ZNF536: variants seen among roughly 807,000 people sequenced by gnomAD.
ZNF536 encodes zinc finger protein 536.
In ZNF536, 13 loss-of-function variants were observed where a neutral mutation model predicts 84.5. That is an observed-to-expected ratio of 0.15 (90% confidence interval 0.10 to 0.24). The LOEUF (loss-of-function observed/expected upper bound fraction) is 0.24, where lower values mean the gene tolerates loss of function less well. Among genes scored for constraint, ZNF536 ranks in the 10% least tolerant of loss-of-function variants. ZNF536 has a pLI of 1.00. For missense variants in ZNF536, 1,536 were observed against 1,747.5 expected, an observed-to-expected ratio of 0.88 and a Z score of 2.16; for synonymous variants, 811 against 742.5, an observed-to-expected ratio of 1.09 and a Z score of -1.50.
intron 1 of ZNF536, among the ~76,000 whole-genome samples, chr19:30,605,002 C>T (rs1005543479): frequency 6.6e-6 from 1 of 152,084 alleles, no homozygotes; most frequent in Admixed American, 6.5e-5. Flanking sequence ...CTGCTGGAAC[C>T]TTGTATTCAT....
At chr19:30,610,514 T>C (rs2048068275) in intron 1 of ZNF536, among the ~76,000 whole-genome samples, 2 of 152,210 alleles carry the variant, frequency 1.3e-5, no homozygotes, top group South Asian at 4.1e-4. Flanking sequence ...CCCATTGGGC[T>C]GATCCTGGGG....
chr19:30,276,722 C>A lies in ZNF536; in HGVS notation c.-189-7350C>A, dbSNP rs1265490475. ...AAAACAATCAGATACTTTTATCTCA[C>A]TGAAAAAATACATTCCTTGGATGTG... is the stretch of plus-strand genomic sequence containing the variant. On this transcript the variant is annotated intron_variant, in intron 1 of 5. Transcript: ENST00000585628. 5.9e-5 allele frequency among the ~76,000 whole-genome samples: 9 copies of A among 152,268 alleles called. No homozygotes were observed. In the East Asian group the frequency reaches 1.7e-3, roughly 29 times the overall value.
At chr19:30,406,771 G>T (rs1397722456) in intron 1 of ZNF536, among the ~76,000 whole-genome samples, 6 of 152,160 alleles carry the variant, frequency 3.9e-5, no homozygotes, top group Non-Finnish European at 7.4e-5. Context: ...TCTGTAGCGG[G>T]TGTGCTCCTT....
chr19:30,581,215 C>T (rs963932564), intron 1 of ZNF536, among the ~76,000 whole-genome samples: 11 of 152,212 alleles, frequency 7.2e-5, no homozygotes, highest in Non-Finnish European at 1.3e-4. Context: ...CAGTGGCTCC[C>T]GCCTGTAATC....
chr19:30,668,452 G>C (rs192995132), intron 1 of ZNF536: 2 of 152,274 alleles, frequency 1.3e-5, no homozygotes, highest in Admixed American at 1.3e-4. Context: ...GGCGCCTTCT[G>C]GGAGCTTAAA....
Position 30,682,138 on chromosome 19 carries a change from T to A in ZNF536, c.170-28619T>A, listed in dbSNP as rs553329945. On this transcript the variant is annotated intron_variant, in intron 1 of 1. Coordinates refer to the ZNF536 transcript ENST00000592773. Reference sequence around the variant, plus strand: ...CACCAGGGGCCAAAAAGCTGCATCTTCAAATCTCCAAACCAAGGAGCTCAC... The same window carrying A: ...CACCAGGGGCCAAAAAGCTGCATCTACAAATCTCCAAACCAAGGAGCTCAC... Among the ~76,000 whole-genome samples the A allele has an allele frequency of 2.0e-5, 3 of 152,152 alleles. No individual in the cohort carries two copies. In the East Asian group the frequency reaches 5.8e-4, roughly 30 times the overall value.
At chr19:30,610,039 C>T (rs1470874133) in intron 1 of ZNF536, among the ~76,000 whole-genome samples, 2 of 152,200 alleles carry the variant, frequency 1.3e-5, no homozygotes, top group Admixed American at 6.5e-5. Flanking sequence ...TTCAGCCATC[C>T]ATCCACTCAT....
chr19:30,648,075 G>A (rs2049544595), intron 1 of ZNF536, among the ~76,000 whole-genome samples: 1 of 152,126 alleles, frequency 6.6e-6, no homozygotes, highest in South Asian at 2.1e-4. Flanking sequence ...TCCCCTTCAG[G>A]CTGTACTGTG....
intron 1 of ZNF536, among the ~76,000 whole-genome samples, chr19:30,592,903 A>G (rs150630505): frequency 2.8e-4 from 43 of 152,362 alleles, no homozygotes; most frequent in African/African-American, 1.0e-3. Flanking sequence ...GTGTGAAATA[A>G]ACAGGTATAA....
intron 1 of ZNF536, among the ~76,000 whole-genome samples, chr19:30,633,939 C>T: frequency 6.6e-6 from 1 of 152,072 alleles, no homozygotes; most frequent in East Asian, 1.9e-4. Context: ...TTCTTTTCTT[C>T]TTTTAATCAG....
chr19:30,516,178 T>C (rs2044065664), intron 2 of ZNF536, among the ~76,000 whole-genome samples: 1 of 152,100 alleles, frequency 6.6e-6, no homozygotes, highest in African/African-American at 2.4e-5. Flanking sequence ...TGCTGTGGTC[T>C]AATTGCTCTA....
intron 2 of ZNF536, among the ~76,000 whole-genome samples, chr19:30,343,129 A>G (rs928912470): frequency 6.6e-6 from 1 of 152,174 alleles, no homozygotes; most frequent in Non-Finnish European, 1.5e-5. Flanking sequence ...CTATGGTAGC[A>G]TCCTCCAAGC....
intron 3 of ZNF536, among the ~76,000 whole-genome samples, chr19:30,365,953 A>G (rs1168759344): frequency 1.3e-5 from 2 of 152,144 alleles, no homozygotes; most frequent in Non-Finnish European, 2.9e-5. Context: ...GAGTTTCTCT[A>G]TGTATCATCT....
At chr19:30,537,692 G>A (rs1020939713) in intron 3 of ZNF536, among the ~76,000 whole-genome samples, 5 of 152,168 alleles carry the variant, frequency 3.3e-5, no homozygotes, top group African/African-American at 9.7e-5. Flanking sequence ...ATTGCTCTTC[G>A]CAGTTTTCAA....
chr19:30,598,985 CT>C (rs1223995313), intron 1 of ZNF536, among the ~76,000 whole-genome samples: 6 of 106,434 alleles, frequency 5.6e-5, no homozygotes, highest in Non-Finnish European at 8.0e-5. Context: ...CCCTCCCTCC[CT>C]TCCTTCCTCC....
intron 1 of ZNF536, among the ~76,000 whole-genome samples, chr19:30,372,834 C>T (rs926660297): frequency 6.6e-6 from 1 of 150,782 alleles, no homozygotes; most frequent in Admixed American, 6.6e-5. Flanking sequence ...CACCCGCCCC[C>T]CCCATCTAAT....
chr19:30,520,200 A>G (rs2044261754), intron 2 of ZNF536, among the ~76,000 whole-genome samples: 1 of 152,202 alleles, frequency 6.6e-6, no homozygotes, highest in Admixed American at 6.5e-5. Context: ...GGATGAGAGG[A>G]AACATTTCTT....
In ZNF536 at chr19:30,269,875, A is replaced by G. The variant is rs2025728767; in HGVS notation, c.-189-14197A>G. On this transcript the variant is annotated intron_variant, in intron 1 of 5. Transcript: ENST00000585628. Reference sequence around the variant, plus strand: ...TTTCACCCAAACAGGAGCCAAAGGCAGTCCCGCTTCTAGCTGGTTCCAGTT... The same window carrying G: ...TTTCACCCAAACAGGAGCCAAAGGCGGTCCCGCTTCTAGCTGGTTCCAGTT... Among the ~76,000 whole-genome samples the G allele has an allele frequency of 1.3e-5, 2 of 152,214 alleles. 1 individual carries two copies. Among genetic ancestry groups the G allele is most frequent in the Admixed American group, 1.3e-4 (2 of 15,288 alleles).
At chr19:30,479,651 C>T (rs1417834251) in intron 2 of ZNF536, among the ~76,000 whole-genome samples, 2 of 152,230 alleles carry the variant, frequency 1.3e-5, no homozygotes, top group Non-Finnish European at 2.9e-5. Flanking sequence ...GCCACCTGCG[C>T]TTGTTCCATT....
Sources: gnomAD v4.1 joint callset for allele counts (sites outside exome capture counted in the v4.1 genomes callset) on GRCh38, gnomAD v4.1.1 for gene constraint, MANE v1.5 for transcripts, NCBI Gene and HGNC (gene_info 2026-07-23, HGNC 2026-07-21) for gene names.